Variants in EGFR observed in about 807,000 individuals in gnomAD.
The protein encoded by EGFR is epidermal growth factor receptor, also known as avian erythroblastic leukemia viral (v-erb-b) oncogene homolog.
EGFR carries 58 observed loss-of-function variants against 143.0 expected under a neutral mutation model. The ratio of observed to expected loss-of-function variants is 0.41; its 90% CI spans 0.33 to 0.50. The LOEUF is 0.50. EGFR is among the 20% of genes least tolerant of loss of function. The probability of loss-of-function intolerance (pLI) is 0.39; values close to 1 mark genes in which losing one functional copy is unlikely to be tolerated. For synonymous variants in EGFR, 613 were observed against 594.4 expected (o/e 1.03, Z -0.45); for missense variants, 1,307 against 1,579.0 (o/e 0.83, Z 2.92).
chr7:55,135,222 T>G (rs568553287), intron 1 of EGFR, among the ~76,000 whole-genome samples: 1 of 152,138 alleles, frequency 6.6e-6, no homozygotes, highest in South Asian at 2.1e-4. Flanking sequence ...TCCACCAGTT[T>G]GGGTATTCTG....
rs1350965971 is a variant in EGFR, at chr7:55,152,682, C to A, written c.747+18C>A. On this transcript the variant is annotated intron_variant, in intron 6 of 27. Coordinates refer to ENST00000275493, the MANE Select transcript of EGFR (RefSeq NM_005228.5). ...ACTGCCTGGTAAGATGCCCCTCCAG[C>A]AGCCTCCCTGGAGCAGGCTGGGGCT... 7 of 1,608,180 alleles carry A rather than the reference C, an allele frequency of 4.4e-6. No homozygotes were observed. Among genetic ancestry groups the A allele is most frequent in the Middle Eastern group, 3.3e-4 (2 of 6,042 alleles).
intron 15 of EGFR, chr7:55,170,334 G>T (rs2128950463): frequency 6.2e-7 from 1 of 1,614,216 alleles, no homozygotes; most frequent in Admixed American, 1.7e-5. Flanking sequence ...TCAAAGCCAT[G>T]TTATTCTGCC....
intron 1 of EGFR, among the ~76,000 whole-genome samples, chr7:55,114,321 A>G (rs1327932858): frequency 6.6e-6 from 1 of 152,154 alleles, no homozygotes; most frequent in Non-Finnish European, 1.5e-5. Flanking sequence ...CAGGAGGATC[A>G]CTTGAGGCTT....
intron 1 of EGFR, among the ~76,000 whole-genome samples, chr7:55,122,945 A>C (rs374468722): frequency 3.5e-4 from 54 of 152,376 alleles, no homozygotes; most frequent in Non-Finnish European, 6.3e-4. Context: ...TAGCTGATTA[A>C]TTGATGAATT....
chr7:55,030,340 C>A (rs1051373626), intron 1 of EGFR, among the ~76,000 whole-genome samples: 4 of 152,162 alleles, frequency 2.6e-5, no homozygotes, highest in Non-Finnish European at 5.9e-5. Flanking sequence ...CTGTATATTT[C>A]TGTGTATTTC....
intron 1 of EGFR, among the ~76,000 whole-genome samples, chr7:55,110,497 G>A (rs374894063): frequency 2.6e-5 from 4 of 152,198 alleles, no homozygotes; most frequent in Admixed American, 1.3e-4. Flanking sequence ...CCCAATTTTC[G>A]TTGGCACTGA....
chr7:55,131,784 G>A (rs1217563716), intron 1 of EGFR, among the ~76,000 whole-genome samples: 1 of 152,134 alleles, frequency 6.6e-6, no homozygotes, highest in Non-Finnish European at 1.5e-5. Context: ...CCCTGCTGCT[G>A]ACCCCTTGCG....
chr7:55,048,942 T>C (rs1184922230), intron 1 of EGFR, among the ~76,000 whole-genome samples: 2 of 152,178 alleles, frequency 1.3e-5, no homozygotes, highest in Non-Finnish European at 2.9e-5. Context: ...GTTCTCAGCA[T>C]GAAAATAGTC....
At chr7:55,124,392 A>T (rs2128915943) in intron 1 of EGFR, among the ~76,000 whole-genome samples, 1 of 152,340 alleles carries the variant, frequency 6.6e-6, no homozygotes, top group East Asian at 1.9e-4. Flanking sequence ...GACTTGCTTA[A>T]CTCAGTTCTT....
chr7:55,099,046 C>T (rs1791647315), intron 1 of EGFR, among the ~76,000 whole-genome samples: 1 of 152,168 alleles, frequency 6.6e-6, no homozygotes, highest in African/African-American at 2.4e-5. Flanking sequence ...TCTACTCTCT[C>T]ACTCTTTTCC....
chr7:55,082,514 C>T (rs2128890551), intron 1 of EGFR, among the ~76,000 whole-genome samples: 1 of 152,264 alleles, frequency 6.6e-6, no homozygotes, highest in South Asian at 2.1e-4. Context: ...ACAAAACCAC[C>T]CAAGGGAGAA....
chr7:55,060,377 G>T (rs1789095862), intron 1 of EGFR, among the ~76,000 whole-genome samples: 1 of 152,160 alleles, frequency 6.6e-6, no homozygotes, highest in Admixed American at 6.5e-5. Context: ...TCTAGTTCAA[G>T]AAGTGAAATC....
chr7:55,065,460 T>C (rs1789439432), intron 1 of EGFR, among the ~76,000 whole-genome samples: 1 of 152,214 alleles, frequency 6.6e-6, no homozygotes, highest in African/African-American at 2.4e-5. Flanking sequence ...AACACATTTG[T>C]GTCTTTAAAA....
chr7:55,174,314 G>A (rs1163191488), intron 18 of EGFR, among the ~76,000 whole-genome samples: 3 of 152,200 alleles, frequency 2.0e-5, no homozygotes, highest in African/African-American at 2.4e-5. Flanking sequence ...AGCACAGGGC[G>A]GGAGGAGGGC....
chr7:55,095,381 T>C (rs541663515), intron 1 of EGFR, among the ~76,000 whole-genome samples: 2 of 152,328 alleles, frequency 1.3e-5, no homozygotes, highest in East Asian at 3.9e-4. Flanking sequence ...ATTACTGTCA[T>C]TGTCATTATT....
intron 24 of EGFR, chr7:55,200,922 T>G (rs1329587028): frequency 1.8e-6 from 1 of 556,924 alleles, no homozygotes; most frequent in African/African-American, 1.9e-5. Flanking sequence ...ATGCTGCAGC[T>G]TCTTCCCTTT....
chr7:55,138,269 T>A (rs1794267150), intron 1 of EGFR, among the ~76,000 whole-genome samples: 1 of 152,256 alleles, frequency 6.6e-6, no homozygotes, highest in South Asian at 2.1e-4. Context: ...CTGCTCTTGA[T>A]GCAGTAGAAT....
intron 19 of EGFR, among the ~76,000 whole-genome samples, chr7:55,175,085 A>G (rs902181695): frequency 5.3e-5 from 8 of 152,226 alleles, no homozygotes; most frequent in African/African-American, 1.7e-4. Flanking sequence ...CTTGACACGC[A>G]TGATGAGTGA....
At chr7:55,025,871 A>C (rs776710736) in intron 1 of EGFR, among the ~76,000 whole-genome samples, 1 of 152,234 alleles carries the variant, frequency 6.6e-6, no homozygotes, top group Non-Finnish European at 1.5e-5. Context: ...ACCAGAAGTC[A>C]TGTTTATATA....
Sources: allele counts gnomAD v4.1 joint callset (sites outside exome capture counted in the v4.1 genomes callset), GRCh38; gene constraint gnomAD v4.1.1; transcripts MANE v1.5; gene names NCBI Gene and HGNC (gene_info 2026-07-23, HGNC 2026-07-21).